The following STK32B variants were observed in gnomAD, a reference collection of about 807,000 sequenced individuals.
STK32B encodes serine/threonine-protein kinase 32B.
In STK32B, 43 loss-of-function variants were observed where a neutral mutation model predicts 52.6. That is an observed-to-expected ratio of 0.82 (90% CI 0.64 to 1.05). The LOEUF (loss-of-function observed/expected upper bound fraction) is 1.05. Among genes scored for constraint, STK32B ranks in the 50% least tolerant of loss-of-function variants. STK32B has a pLI of 0.00. For synonymous variants in STK32B, 238 were observed against 204.3 expected (o/e 1.17, Z -1.41); for missense variants, 621 against 534.6 (o/e 1.16, Z -1.59).
the STK32B span, among the ~76,000 whole-genome samples, chr4:5,038,741 G>A: frequency 5.3e-5 from 8 of 151,970 alleles, no homozygotes; most frequent in African/African-American, 1.9e-4. Flanking sequence ...TGAGTGAGTA[G>A]CTGGTGAGTG....
chr4:5,083,841 A>G (rs976729139), intron 1 of STK32B, among the ~76,000 whole-genome samples: 17 of 151,974 alleles, frequency 1.1e-4, no homozygotes, highest in African/African-American at 3.4e-4. Flanking sequence ...GGTTCAAGCA[A>G]TTGTGCTGCG....
intron 1 of STK32B, among the ~76,000 whole-genome samples, chr4:5,123,348 C>G (rs1715175701): frequency 6.6e-6 from 1 of 152,192 alleles, no homozygotes; most frequent in Admixed American, 6.5e-5. Context: ...GAGCCTCATG[C>G]AGCCGGCACA....
At chr4:5,199,667 A>G (rs906978547) in intron 3 of STK32B, among the ~76,000 whole-genome samples, 4 of 152,184 alleles carry the variant, frequency 2.6e-5, no homozygotes, top group African/African-American at 7.2e-5. Flanking sequence ...TGTGCTTCAT[A>G]AACTCTGGCC....
chr4:5,304,002 A>G (rs752834001), intron 3 of STK32B, among the ~76,000 whole-genome samples: 13 of 152,020 alleles, frequency 8.6e-5, no homozygotes, highest in Non-Finnish European at 1.6e-4. Context: ...ATTTAGCTTT[A>G]TTTTTGAGTT....
chr4:5,144,784 T>TCATCCATCCATCCATCCATC (rs112099943), intron 2 of STK32B, among the ~76,000 whole-genome samples: 1 of 95,618 alleles, frequency 1.0e-5, no homozygotes, highest in Non-Finnish European at 2.7e-5. Context: ...ACTCATTCAC[T>TCATCCATCCATCCATCCATC]CATCCATCCA....
chr4:5,421,235 A>G (rs2887544), intron 6 of STK32B, among the ~76,000 whole-genome samples: 5,428 of 152,036 alleles, frequency 0.036, 294 homozygotes, highest in African/African-American at 0.12. Flanking sequence ...GACTACAGGC[A>G]CCCGCCACCA....
At chr4:5,165,455 C>G (rs1306238756) in intron 2 of STK32B, among the ~76,000 whole-genome samples, 1 of 152,140 alleles carries the variant, frequency 6.6e-6, no homozygotes, top group Non-Finnish European at 1.5e-5. Context: ...ATGTCTTTAT[C>G]TGAAGGGACG....
At chr4:5,046,193 G>C in the STK32B span, among the ~76,000 whole-genome samples, 1 of 152,090 alleles carries the variant, frequency 6.6e-6, no homozygotes, top group Non-Finnish European at 1.5e-5. Context: ...ACAGAAGAAA[G>C]ACCACAGAAA....
At chr4:5,331,424 C>T (rs749697130) in intron 4 of STK32B, 31 bp downstream of exon 4, 17 of 1,585,762 alleles carry the variant, frequency 1.1e-5, no homozygotes, top group African/African-American at 4.0e-5. Context: ...ATGCCTGGGA[C>T]AGAGGGACCA....
At chr4:5,190,731 A>G (rs926953675) in intron 3 of STK32B, among the ~76,000 whole-genome samples, 6 of 152,170 alleles carry the variant, frequency 3.9e-5, no homozygotes, top group African/African-American at 1.4e-4. Context: ...ACTGTGGAGT[A>G]AGAGGAACCT....
chr4:5,238,754 TTCAC>T (rs1385412739), intron 3 of STK32B, among the ~76,000 whole-genome samples: 5 of 152,204 alleles, frequency 3.3e-5, no homozygotes, highest in African/African-American at 9.6e-5. Flanking sequence ...CATTCATTCC[TTCAC>T]TCACTCACTC....
At chr4:5,107,757 A>G (rs1714184854) in intron 1 of STK32B, among the ~76,000 whole-genome samples, 1 of 152,218 alleles carries the variant, frequency 6.6e-6, no homozygotes, top group African/African-American at 2.4e-5. Flanking sequence ...ACGAAATTTC[A>G]AAGAAGTTGG....
At chr4:5,371,045 T>G (rs1735207087) in intron 4 of STK32B, among the ~76,000 whole-genome samples, 2 of 150,174 alleles carry the variant, frequency 1.3e-5, no homozygotes, top group South Asian at 4.2e-4. Flanking sequence ...TATATATATG[T>G]GTGTGTGTGT....
intron 11 of STK32B, among the ~76,000 whole-genome samples, chr4:5,488,441 G>A (rs1719413245): frequency 6.6e-6 from 1 of 151,818 alleles, no homozygotes; most frequent in African/African-American, 2.4e-5. Flanking sequence ...TTAAATATAG[G>A]GAACTTTTTT....
intron 4 of STK32B, among the ~76,000 whole-genome samples, chr4:5,335,161 T>C (rs955068274): frequency 1.1e-4 from 16 of 152,348 alleles, no homozygotes; most frequent in Admixed American, 2.0e-4. Context: ...CAGATCCTGT[T>C]ATTGATCTAT....
intron 5 of STK32B, among the ~76,000 whole-genome samples, chr4:5,410,160 A>G (rs900898372): frequency 2.0e-5 from 3 of 152,148 alleles, no homozygotes; most frequent in African/African-American, 7.2e-5. Context: ...CCAAAGTGCA[A>G]TTATTATTAG....
chr4:5,385,764 C>T (rs926361961), intron 4 of STK32B, among the ~76,000 whole-genome samples: 2 of 152,108 alleles, frequency 1.3e-5, no homozygotes, highest in Non-Finnish European at 2.9e-5. Flanking sequence ...TGCTCCACCT[C>T]TCCTGGCCTA....
intron 3 of STK32B, among the ~76,000 whole-genome samples, chr4:5,222,887 A>G (rs1159620016): frequency 6.6e-6 from 1 of 152,212 alleles, no homozygotes. Flanking sequence ...TAGTATGGAT[A>G]TAAGGCAGCC....
chr4:5,321,728 G>A (rs769153847), intron 3 of STK32B, among the ~76,000 whole-genome samples: 1 of 152,180 alleles, frequency 6.6e-6, no homozygotes, highest in Non-Finnish European at 1.5e-5. Flanking sequence ...GCACTTTACA[G>A]TCTGCAAAGC....
Sources: gnomAD v4.1 joint callset for allele counts (sites outside exome capture counted in the v4.1 genomes callset) on GRCh38, gnomAD v4.1.1 for gene constraint, MANE v1.5 for transcripts, NCBI Gene and HGNC (gene_info 2026-07-23, HGNC 2026-07-21) for gene names.